The following TAFA1 variants were observed in gnomAD, a reference collection of about 807,000 sequenced individuals.
The protein encoded by TAFA1 is TAFA chemokine like family member 1.
TAFA1 carries 4 observed loss-of-function variants against 18.5 expected under a neutral mutation model. That is an observed-to-expected ratio of 0.22 (90% CI 0.11 to 0.49). The LOEUF is 0.49. TAFA1 is among the 20% of genes least tolerant of loss of function. The pLI, the probability that TAFA1 is intolerant of heterozygous loss-of-function variation, is 0.98. For synonymous variants in TAFA1, 56 were observed against 55.2 expected (o/e 1.01, Z -0.06); for missense variants, 147 against 169.0 (o/e 0.87, Z 0.72).
chr3:68,151,003 A>T (rs879329116), intron 2 of TAFA1, among the ~76,000 whole-genome samples: 2 of 151,932 alleles, frequency 1.3e-5, no homozygotes, highest in Non-Finnish European at 2.9e-5. Context: ...GAAACTAAAA[A>T]ACTAAGTGAC....
intron 2 of TAFA1, among the ~76,000 whole-genome samples, chr3:68,058,731 A>G (rs940631052): frequency 2.0e-5 from 3 of 152,210 alleles, no homozygotes; most frequent in African/African-American, 7.2e-5. Context: ...CTTGTTGAAC[A>G]GAGTTGTATA....
intron 3 of TAFA1, among the ~76,000 whole-genome samples, chr3:68,528,235 A>G (rs2073135284): frequency 6.6e-6 from 1 of 152,182 alleles, no homozygotes; most frequent in African/African-American, 2.4e-5. Context: ...GCCTTATCTA[A>G]AATTCACGAT....
At chr3:68,241,742 A>C (rs936464027) in intron 2 of TAFA1, among the ~76,000 whole-genome samples, 3 of 152,168 alleles carry the variant, frequency 2.0e-5, no homozygotes, top group Admixed American at 1.3e-4. Context: ...AGAGGAAAGG[A>C]TGTGTGGCAG....
intron 2 of TAFA1, among the ~76,000 whole-genome samples, chr3:68,406,303 A>G (rs1188190549): frequency 1.3e-5 from 2 of 152,176 alleles, no homozygotes; most frequent in East Asian, 3.9e-4. Context: ...TGGTGAAGGA[A>G]AGCCTAATCA....
chr3:68,465,467 G>T (rs1460979070), intron 3 of TAFA1, among the ~76,000 whole-genome samples: 1 of 152,188 alleles, frequency 6.6e-6, no homozygotes, highest in Non-Finnish European at 1.5e-5. Flanking sequence ...ATATATCTGT[G>T]TGTAAATTTG....
intron 2 of TAFA1, among the ~76,000 whole-genome samples, chr3:68,063,921 C>T (rs1209280629): frequency 6.6e-6 from 1 of 152,132 alleles, no homozygotes; most frequent in Non-Finnish European, 1.5e-5. Context: ...CCCACTCTGG[C>T]GATGCCAGAA....
At chr3:68,167,652 CTA>C (rs1327274590) in intron 2 of TAFA1, among the ~76,000 whole-genome samples, 2 of 151,134 alleles carry the variant, frequency 1.3e-5, no homozygotes, top group African/African-American at 4.9e-5. Context: ...ATCAACCACA[CTA>C]TGTAGTAAGG....
chr3:68,453,277 G>T (rs918592346), intron 3 of TAFA1, among the ~76,000 whole-genome samples: 1 of 152,134 alleles, frequency 6.6e-6, no homozygotes, highest in Admixed American at 6.5e-5. Flanking sequence ...GGGACTGACA[G>T]GTCCTATATT....
chr3:68,154,588 T>C (rs1866291), intron 2 of TAFA1, among the ~76,000 whole-genome samples: 22,193 of 152,236 alleles, frequency 0.15, 1,976 homozygotes, highest in Middle Eastern at 0.2. Context: ...TCTCCTTTCA[T>C]CCCCACATGG....
At chr3:68,451,584 T>G (rs2071566998) in intron 3 of TAFA1, among the ~76,000 whole-genome samples, 1 of 152,178 alleles carries the variant, frequency 6.6e-6, no homozygotes, top group African/African-American at 2.4e-5. Flanking sequence ...CTTCCATCTG[T>G]ACATTCAAAA....
intron 2 of TAFA1, 37 bp from the exon 3 acceptor site, chr3:68,417,243 T>C: frequency 6.3e-7 from 1 of 1,599,458 alleles, no homozygotes; most frequent in Non-Finnish European, 8.6e-7. Context: ...CACTGAGTTA[T>C]TTCTAATCAG....
At chr3:68,448,468 A>C (rs2071510691) in intron 3 of TAFA1, among the ~76,000 whole-genome samples, 1 of 152,206 alleles carries the variant, frequency 6.6e-6, no homozygotes, top group Non-Finnish European at 1.5e-5. Flanking sequence ...CGACGACTGT[A>C]CTGTTAAATA....
intron 2 of TAFA1, among the ~76,000 whole-genome samples, chr3:68,327,523 A>C (rs1212005119): frequency 6.6e-6 from 1 of 152,290 alleles, no homozygotes; most frequent in South Asian, 2.1e-4. Flanking sequence ...AGCAGCATGA[A>C]ACTGGTCAAA....
chr3:68,086,923 T>C (rs1219911486), intron 2 of TAFA1, among the ~76,000 whole-genome samples: 2 of 152,200 alleles, frequency 1.3e-5, no homozygotes, highest in African/African-American at 4.8e-5. Flanking sequence ...AGAGCATTAT[T>C]TTCCTTGCAA....
chr3:68,425,056 T>C (rs1314040642), intron 3 of TAFA1, among the ~76,000 whole-genome samples: 1 of 152,022 alleles, frequency 6.6e-6, no homozygotes, highest in African/African-American at 2.4e-5. Context: ...CCTATACTGA[T>C]GTGATTTATA....
At chr3:68,320,210 T>C (rs2068677370) in intron 2 of TAFA1, among the ~76,000 whole-genome samples, 2 of 152,280 alleles carry the variant, frequency 1.3e-5, no homozygotes, top group Non-Finnish European at 2.9e-5. Flanking sequence ...TTGGCTTTCT[T>C]ACTGGTAAAG....
chr3:68,395,018 C>T (rs899034575), intron 2 of TAFA1, among the ~76,000 whole-genome samples: 2 of 151,984 alleles, frequency 1.3e-5, no homozygotes, highest in South Asian at 2.1e-4. Context: ...GGCAACCTAC[C>T]GAATGGGAGA....
At chr3:68,283,813 C>G (rs1253133852) in intron 2 of TAFA1, among the ~76,000 whole-genome samples, 1 of 152,102 alleles carries the variant, frequency 6.6e-6, no homozygotes, top group Non-Finnish European at 1.5e-5. Flanking sequence ...TTTTATCAGC[C>G]CTCAGCTTCC....
At chr3:68,134,015 A>T (rs957229567) in intron 2 of TAFA1, among the ~76,000 whole-genome samples, 1 of 151,136 alleles carries the variant, frequency 6.6e-6, no homozygotes, top group East Asian at 1.9e-4. Context: ...GTTGGACTGG[A>T]CCTCAGAGTA....
Sources: allele counts gnomAD v4.1 joint callset (sites outside exome capture counted in the v4.1 genomes callset), GRCh38; gene constraint gnomAD v4.1.1; transcripts MANE v1.5; gene names NCBI Gene and HGNC (gene_info 2026-07-23, HGNC 2026-07-21).